TMEM268: variants seen among roughly 807,000 people sequenced by gnomAD.
TMEM268 encodes the protein transmembrane protein 268.
In TMEM268, 24 loss-of-function variants were observed where a neutral mutation model predicts 39.1. The observed-to-expected ratio is 0.61, with a 90% confidence interval of 0.44 to 0.86. The LOEUF is 0.86. Among genes scored for constraint, TMEM268 ranks in the 40% least tolerant of loss-of-function variants. The pLI is 0.00. For synonymous variants in TMEM268, 176 were observed against 173.5 expected (o/e 1.01, Z -0.12); for missense variants, 409 against 428.6 (o/e 0.95, Z 0.40).
At chr9:114,632,864 A>T (rs1006167230) in intron 5 of TMEM268, among the ~76,000 whole-genome samples, 6 of 152,240 alleles carry the variant, frequency 3.9e-5, no homozygotes, top group Non-Finnish European at 7.3e-5. Flanking sequence ...AACTGAAGAA[A>T]ATAAGGTTCA....
intron 2 of TMEM268, among the ~76,000 whole-genome samples, chr9:114,623,357 G>C (rs1425037962): frequency 6.6e-6 from 1 of 152,062 alleles, no homozygotes; most frequent in Non-Finnish European, 1.5e-5. Context: ...TGTTGGCCAG[G>C]CTGGTCTCGA....
At chr9:114,621,960 C>A in intron 2 of TMEM268, 1 of 335,896 alleles carries the variant, frequency 3.0e-6, no homozygotes, top group Non-Finnish European at 4.2e-6. Flanking sequence ...GATCTGCACC[C>A]TGGCCACTGT....
chr9:114,615,657 G>A (rs1337895687), intron 1 of TMEM268: 1 of 152,022 alleles, frequency 6.6e-6, no homozygotes, highest in African/African-American at 2.4e-5. Context: ...GAGCCTGATT[G>A]CTTGAATATC....
chr9:114,617,498 G>A (rs1303471977), intron 2 of TMEM268, among the ~76,000 whole-genome samples, 197 bp downstream of exon 2: 1 of 152,244 alleles, frequency 6.6e-6, no homozygotes, highest in Non-Finnish European at 1.5e-5. Context: ...TAGCTTGCTT[G>A]TTGGTCTTCT....
At position 114,617,218 on chromosome 9, in the gene TMEM268, A is replaced by AC. The variant is rs774131252; in HGVS notation, c.26dup (p.Ala11GlyfsTer39). 1.9e-6 allele frequency: 3 copies of AC among 1,609,820 alleles called. No homozygotes were observed. The highest frequency in any genetic ancestry group is 2.5e-6 in the Non-Finnish European group (3 of 1,178,274). On this transcript the variant is annotated frameshift_variant, in exon 2 of 9. Coordinates refer to ENST00000288502, the MANE Select transcript of TMEM268 (RefSeq NM_153045.4). LOFTEE classifies it high-confidence loss of function. ...GCCATGGCCTGTGAACCACAGGTGG[A>AC]CCCGGGGGCCACTGGCCCATTGCCC...
At chr9:114,606,171 G>C in the TMEM268 span, among the ~76,000 whole-genome samples, 1 of 152,110 alleles carries the variant, frequency 6.6e-6, no homozygotes, top group Non-Finnish European at 1.5e-5. Flanking sequence ...CTAGAGGGGA[G>C]TTCTCCCTCT....
intron 3 of TMEM268, among the ~76,000 whole-genome samples, chr9:114,625,296 G>A (rs945404020): frequency 6.6e-6 from 1 of 152,126 alleles, no homozygotes; most frequent in African/African-American, 2.4e-5. Context: ...GTACCTATAT[G>A]TATGGGTTTT....
At chr9:114,609,558 A>C (rs936591647), upstream of TMEM268, among the ~76,000 whole-genome samples, 2 of 150,866 alleles carry the variant, frequency 1.3e-5, no homozygotes, top group Admixed American at 1.3e-4. Flanking sequence ...GGTGGCATGC[A>C]CTTTTAGACC....
chr9:114,643,330 C>T lies in TMEM268; in HGVS notation c.*17C>T, dbSNP rs1208810569. On this transcript the variant is annotated 3_prime_UTR_variant, in exon 9 of 9. Coordinates refer to ENST00000288502, the MANE Select transcript of TMEM268 (RefSeq NM_153045.4). ...GCGAGGTGACCTAGGGATGAAGGTA[C>T]TCATCTTCCTTCAAGACTGAGCAGT... 3 of 1,612,138 alleles carry T rather than the reference C, an allele frequency of 1.9e-6. No individual in the cohort carries two copies. Among genetic ancestry groups the T allele is most frequent in the Non-Finnish European group, 2.5e-6 (3 of 1,178,340 alleles).
rs890708264 is a variant in TMEM268, at chr9:114,644,569, T to A, written c.*1256T>A. ...GGACAGAGACTACACCTTGTACTTTTTGTGCATGACCTGGACCTGCTAAGG... is the reference window on the plus strand; with the variant it reads ...GGACAGAGACTACACCTTGTACTTTATGTGCATGACCTGGACCTGCTAAGG... On this transcript the variant is annotated 3_prime_UTR_variant, in exon 9 of 9. Transcript: ENST00000288502. 6.6e-6 allele frequency: 1 copy of A among 151,826 alleles called. No individual in the cohort carries two copies. Among genetic ancestry groups the A allele is most frequent in the Non-Finnish European group, 1.5e-5 (1 of 67,982 alleles). The allele number at this position is 151,826 out of a possible 1,614,324, so 9.4% of individuals were successfully genotyped here. A position where few individuals can be genotyped will look rare whatever the true frequency, so the allele number is the denominator to read the frequency against.
intron 5 of TMEM268, among the ~76,000 whole-genome samples, chr9:114,629,834 A>G (rs934912842): frequency 6.6e-6 from 1 of 152,214 alleles, no homozygotes; most frequent in Admixed American, 6.5e-5. Context: ...AACGGGAACT[A>G]TATGGTGTAC....
chr9:114,631,282 C>CAAA (rs3035421), intron 5 of TMEM268, among the ~76,000 whole-genome samples: 1,346 of 129,568 alleles, frequency 0.01, 55 homozygotes, highest in Admixed American at 0.053. Flanking sequence ...CAGCCTGCCT[C>CAAA]AAAAAAAAAA....
chr9:114,624,079 G>A (rs1170535829), intron 2 of TMEM268: 2 of 327,474 alleles, frequency 6.1e-6, no homozygotes, highest in Non-Finnish European at 1.0e-5. Flanking sequence ...TTTTTTATGG[G>A]GACAGCTTTT....
chr9:114,642,398 G>A (rs1254981828), intron 8 of TMEM268, among the ~76,000 whole-genome samples: 1 of 151,436 alleles, frequency 6.6e-6, no homozygotes, highest in Non-Finnish European at 1.5e-5. Flanking sequence ...TTAAATGTAA[G>A]CAGTTTCTTT....
At chr9:114,612,183 C>T (rs1845527453) in intron 1 of TMEM268, among the ~76,000 whole-genome samples, 1 of 152,148 alleles carries the variant, frequency 6.6e-6, no homozygotes, top group Admixed American at 6.5e-5. Context: ...CAGTGCTGCA[C>T]ATAGTTCCCG....
At chr9:114,613,946 C>T (rs766895704) in intron 1 of TMEM268, among the ~76,000 whole-genome samples, 5 of 152,032 alleles carry the variant, frequency 3.3e-5, no homozygotes, top group African/African-American at 7.3e-5. Context: ...CTTTGACCTG[C>T]GGTTTTTTCT....
At chr9:114,634,686 G>A (rs1846553304) in intron 6 of TMEM268, among the ~76,000 whole-genome samples, 2 of 152,160 alleles carry the variant, frequency 1.3e-5, no homozygotes, top group Admixed American at 1.3e-4. Context: ...GTGTGCACGG[G>A]GGACCTGGGA....
chr9:114,642,856 G>A (rs548331049), intron 8 of TMEM268, among the ~76,000 whole-genome samples: 2 of 151,878 alleles, frequency 1.3e-5, no homozygotes, highest in East Asian at 3.9e-4. Context: ...TTTTTTTTGT[G>A]CGTATTATTA....
chr9:114,639,062 C>CAATT lies in TMEM268; in HGVS notation c.849+339_849+340insTAAT, dbSNP rs368680831. Among the ~76,000 whole-genome samples, 206 of 152,244 alleles carry CAATT rather than the reference C, an allele frequency of 1.4e-3. 1 individual carries two copies. Among genetic ancestry groups the CAATT allele is most frequent in the African/African-American group, 4.2e-3 (175 of 41,556 alleles). ...TACTGATGAACATTTGGGTCTCAGT[C>CAATT]AATCAATTATTTATTCATCTATCCA... On this transcript the variant is annotated intron_variant, in intron 8 of 8. Transcript: ENST00000288502.
Sources: allele counts gnomAD v4.1 joint callset (sites outside exome capture counted in the v4.1 genomes callset), GRCh38; gene constraint gnomAD v4.1.1; transcripts MANE v1.5; gene names NCBI Gene and HGNC (gene_info 2026-07-23, HGNC 2026-07-21).